Variants in SHROOM3 observed in about 807,000 individuals in gnomAD.
SHROOM3 encodes protein Shroom3.
SHROOM3 carries 47 observed loss-of-function variants against 138.6 expected under a neutral mutation model. The ratio of observed to expected loss-of-function variants is 0.34; its 90% CI spans 0.27 to 0.43. SHROOM3 has a LOEUF of 0.43. SHROOM3 is among the 20% of genes least tolerant of loss of function. SHROOM3 has a pLI of 1.00. For synonymous variants in SHROOM3, 1,062 were observed against 1,063.3 expected (o/e 1.00, Z 0.02); for missense variants, 2,491 against 2,596.5 (o/e 0.96, Z 0.88).
chr4:76,670,764 G>T (rs752673256), intron 2 of SHROOM3, among the ~76,000 whole-genome samples: 9 of 151,928 alleles, frequency 5.9e-5, no homozygotes, highest in Non-Finnish European at 1.2e-4. Flanking sequence ...ACCACCCTGG[G>T]CAATATGGCA....
At chr4:76,719,445 A>T (rs2110122218) in intron 3 of SHROOM3, among the ~76,000 whole-genome samples, 1 of 152,354 alleles carries the variant, frequency 6.6e-6, no homozygotes, top group South Asian at 2.1e-4. Flanking sequence ...AAGTTGTGCT[A>T]TTCTATTTAT....
chr4:76,483,739 G>A (rs1488158383), intron 1 of SHROOM3, among the ~76,000 whole-genome samples: 1 of 152,072 alleles, frequency 6.6e-6, no homozygotes, highest in African/African-American at 2.4e-5. Flanking sequence ...ACTTGGAACT[G>A]ACTCAAATAC....
At chr4:76,506,866 T>C (rs1306513465) in intron 1 of SHROOM3, among the ~76,000 whole-genome samples, 1 of 152,202 alleles carries the variant, frequency 6.6e-6, no homozygotes, top group Non-Finnish European at 1.5e-5. Flanking sequence ...AACGTTTAAC[T>C]CTCTTACAGT....
At chr4:76,533,614 G>T (rs1427859630) in intron 1 of SHROOM3, among the ~76,000 whole-genome samples, 1 of 152,172 alleles carries the variant, frequency 6.6e-6, no homozygotes, top group African/African-American at 2.4e-5. Context: ...AGCAGAGAAT[G>T]AACTTACAAT....
intron 1 of SHROOM3, among the ~76,000 whole-genome samples, chr4:76,486,534 T>C (rs374682906): frequency 6.6e-6 from 1 of 152,178 alleles, no homozygotes; most frequent in African/African-American, 2.4e-5. Flanking sequence ...CAATAATTTT[T>C]GTAAAGTAAA....
intron 3 of SHROOM3, among the ~76,000 whole-genome samples, chr4:76,715,022 G>C (rs1720332899): frequency 6.6e-6 from 1 of 152,180 alleles, no homozygotes; most frequent in African/African-American, 2.4e-5. Context: ...ACCATGATGT[G>C]CTATCATCTT....
Position 76,770,613 on chromosome 4 carries a change from T to C in SHROOM3, c.5350-13T>C, listed in dbSNP as rs769623003. The stretch of plus-strand genomic sequence containing the variant: ...CTGTTGGCTGATCTTTGCGGTCTTA[T>C]CTGTCATTTCAGGCTGAGCTCATTG... On this transcript the variant is annotated splice_polypyrimidine_tract_variant and intron_variant, in intron 9 of 10. Coordinates refer to ENST00000296043, the MANE Select transcript of SHROOM3 (RefSeq NM_020859.4). The C allele has an allele frequency of 6.2e-6, 10 of 1,613,700 alleles. No homozygotes were observed. In the South Asian group the frequency reaches 9.9e-5, roughly 16 times the overall value.
chr4:76,575,461 T>G (rs1733918791), intron 2 of SHROOM3: 1 of 152,000 alleles, frequency 6.6e-6, no homozygotes, highest in Non-Finnish European at 1.5e-5. Context: ...ACCTAAAGAC[T>G]CCACCAAAAA....
intron 2 of SHROOM3, among the ~76,000 whole-genome samples, chr4:76,616,027 G>A (rs1252263972): frequency 6.6e-6 from 1 of 152,128 alleles, no homozygotes; most frequent in East Asian, 1.9e-4. Context: ...ACTCCAGAGG[G>A]CAGAATTAGG....
At chr4:76,503,009 A>G (rs913313985) in intron 1 of SHROOM3, among the ~76,000 whole-genome samples, 3 of 152,040 alleles carry the variant, frequency 2.0e-5, no homozygotes, top group African/African-American at 7.3e-5. Context: ...CTTCTTGTCT[A>G]TCCTTGTGCC....
intron 2 of SHROOM3, among the ~76,000 whole-genome samples, chr4:76,658,896 A>G (rs1407940165): frequency 6.6e-6 from 1 of 152,164 alleles, no homozygotes; most frequent in African/African-American, 2.4e-5. Context: ...ATTCAATTGC[A>G]CTTTGTGTCA....
chr4:76,655,099 G>T (rs34690268), intron 2 of SHROOM3, among the ~76,000 whole-genome samples: 55,696 of 151,990 alleles, frequency 0.37, 10,871 homozygotes, highest in East Asian at 0.51. Flanking sequence ...TGATTTTAAT[G>T]AAAATTATAC....
intron 1 of SHROOM3, among the ~76,000 whole-genome samples, chr4:76,439,661 AG>A (rs549785209): frequency 9.2e-4 from 140 of 152,320 alleles, no homozygotes; most frequent in African/African-American, 3.2e-3. Flanking sequence ...CCTCCATTGT[AG>A]GGGAAGGGAA....
At chr4:76,659,867 C>A (rs1428347471) in intron 2 of SHROOM3, among the ~76,000 whole-genome samples, 2 of 152,158 alleles carry the variant, frequency 1.3e-5, no homozygotes, top group East Asian at 3.9e-4. Context: ...CAGGCGTGAG[C>A]CACCGCACCC....
intron 2 of SHROOM3, among the ~76,000 whole-genome samples, chr4:76,634,244 C>T (rs567184032): frequency 1.3e-5 from 2 of 152,242 alleles, no homozygotes; most frequent in East Asian, 1.9e-4. Flanking sequence ...CCTCTTACTT[C>T]GTGCATAGAA....
At chr4:76,775,150 C>G (rs1432486640) in intron 10 of SHROOM3, among the ~76,000 whole-genome samples, 1 of 152,138 alleles carries the variant, frequency 6.6e-6, no homozygotes, top group Non-Finnish European at 1.5e-5. Flanking sequence ...TTGTATCCTT[C>G]TTATGCCTTT....
chr4:76,770,522 T>G lies in SHROOM3; in HGVS notation c.5350-104T>G. Reference sequence around the variant, plus strand: ...TCCATATAGAGAAGGGGGAGGATATTCAGCTGAGCCTTGAAGATGACAGAA... The same window carrying G: ...TCCATATAGAGAAGGGGGAGGATATGCAGCTGAGCCTTGAAGATGACAGAA... On this transcript the variant is annotated intron_variant, in intron 9 of 10. Transcript: ENST00000296043. The G allele has an allele frequency of 4.4e-6, 6 of 1,373,418 alleles. No homozygotes were observed. The South Asian group carries it at 7.3e-5, about 17-fold the overall frequency. 85.1% of individuals were successfully genotyped at this position (1,373,418 alleles called of 1,614,324 possible). A position where few individuals can be genotyped will look rare whatever the true frequency, so the allele number is the denominator to read the frequency against.
At chr4:76,678,669 TA>T (rs1719105834) in intron 2 of SHROOM3, among the ~76,000 whole-genome samples, 1 of 152,202 alleles carries the variant, frequency 6.6e-6, no homozygotes, top group African/African-American at 2.4e-5. Flanking sequence ...ATTTTTTATT[TA>T]TTTTTTTGAG....
rs990408217 is a variant in SHROOM3, at chr4:76,534,962, T to C, written c.169-20647T>C. ...TTGCATGATAATTAAAGGGCCCTTG[T>C]AGCAAATGGACTAAGAGCTTCCCAG... is the stretch of plus-strand genomic sequence containing the variant. On this transcript the variant is annotated intron_variant, in intron 1 of 10. Transcript: ENST00000296043. Among the ~76,000 whole-genome samples, 4 of 152,164 alleles carry C rather than the reference T, an allele frequency of 2.6e-5. No homozygotes were observed. In the East Asian group the frequency reaches 5.8e-4, roughly 22 times the overall value.
Sources: gnomAD v4.1 joint callset for allele counts (sites outside exome capture counted in the v4.1 genomes callset) on GRCh38, gnomAD v4.1.1 for gene constraint, MANE v1.5 for transcripts, NCBI Gene and HGNC (gene_info 2026-07-23, HGNC 2026-07-21) for gene names.